The following ZKSCAN2 variants were observed in gnomAD, a reference collection of about 807,000 sequenced individuals.
ZKSCAN2 encodes zinc finger with KRAB and SCAN domains 2.
Under a neutral mutation model 90.5 loss-of-function variants are expected in ZKSCAN2, and 38 were observed. That is an observed-to-expected ratio of 0.42 (90% confidence interval 0.32 to 0.55). ZKSCAN2 has a LOEUF of 0.55. Among genes scored for constraint, ZKSCAN2 ranks in the 20% least tolerant of loss-of-function variants. The pLI is 0.11. For missense variants in ZKSCAN2, 1,167 were observed against 1,202.6 expected, an observed-to-expected ratio of 0.97 and a Z score of 0.44; for synonymous variants, 429 against 421.6, an observed-to-expected ratio of 1.02 and a Z score of -0.22.
chr16:25,244,120 T>C lies in ZKSCAN2; in HGVS notation c.1646A>G (p.Gln549Arg). The C allele has an allele frequency of 2.5e-6, 4 of 1,614,216 alleles. No individual in the cohort carries two copies. Among genetic ancestry groups the C allele is most frequent in the Non-Finnish European group, 3.4e-6 (4 of 1,180,042 alleles). The change falls in exon 6 of 7, where the codon CAG (glutamine) becomes CGG (arginine). Residue 549 changes from glutamine (Q) to arginine (R), a missense_variant. Gln to Arg is a conservative substitution (Grantham distance 43). Transcript: ENST00000328086. ...AAGGCTTTTGAACTTGGTTCGGCAC[T>C]GTTCTGGTGTCCGGAGGAAGCCGCA... is the stretch of plus-strand genomic sequence containing the variant. ...RECGFLRTPE[Q>R]CRTKFKSLQK...
intron 2 of ZKSCAN2, 92 bp downstream of exon 2, chr16:25,255,114 G>T: frequency 7.6e-7 from 1 of 1,318,352 alleles, no homozygotes. Flanking sequence ...TATGTATCAA[G>T]GAGGCCCTCC....
chr16:25,252,828 T>A, intron 3 of ZKSCAN2, 118 bp downstream of exon 3: 1 of 783,300 alleles, frequency 1.3e-6, no homozygotes, highest in Non-Finnish European at 2.2e-6. Context: ...GGCAGGAGAA[T>A]CGCTTGAACC....
chr16:25,257,610 G>A lies in ZKSCAN2; in HGVS notation c.-483C>T, dbSNP rs1963131564. ...GGCTCGGGTCACCGCAGCACGTCCA[G>A]GCCGCCGCGGGTGCCGCTGGGGCCG... On this transcript the variant is annotated 5_prime_UTR_variant, in exon 1 of 7. Coordinates refer to ENST00000328086, the MANE Select transcript of ZKSCAN2 (RefSeq NM_001012981.5). The A allele has an allele frequency of 7.3e-6, 5 of 684,846 alleles. No homozygotes were observed. Among genetic ancestry groups the A allele is most frequent in the South Asian group, 6.5e-5 (1 of 15,300 alleles). 42.4% of individuals were successfully genotyped at this position (684,846 alleles called of 1,614,324 possible).
In ZKSCAN2 at chr16:25,257,593, T is replaced by G. The variant is rs1963131014; in HGVS notation, c.-466A>C. 1.2e-6 allele frequency: 1 copy of G among 840,938 alleles called. No individual in the cohort carries two copies. The allele number at this position is 840,938 out of a possible 1,614,324, so 52.1% of individuals were successfully genotyped here. A position where few individuals can be genotyped will look rare whatever the true frequency, so the allele number is the denominator to read the frequency against. On this transcript the variant is annotated 5_prime_UTR_variant, in exon 1 of 7. Coordinates refer to ENST00000328086, the MANE Select transcript of ZKSCAN2 (RefSeq NM_001012981.5). ...CCCGGCGCCAGGTTCCGGGCTCGGG[T>G]CACCGCAGCACGTCCAGGCCGCCGC... is the stretch of plus-strand genomic sequence containing the variant.
In ZKSCAN2 at chr16:25,256,941, A is replaced by G; in HGVS notation, c.187T>C (p.Phe63Leu). ...YEDVTGPHEAFSKLWELCCRW... is the reference protein window; with the variant it reads ...YEDVTGPHEALSKLWELCCRW... ...CAGCAAAGTTCCCAGAGTTTACTGA[A>G]AGCTTCATGGGGTCCAGTCACATCC... Residue 63 changes from phenylalanine (F) to leucine (L), a missense_variant, in exon 1 of 7, where the codon TTC becomes CTC. Coordinates refer to ENST00000328086, the MANE Select transcript of ZKSCAN2 (RefSeq NM_001012981.5). 6.2e-7 allele frequency: 1 copy of G among 1,614,196 alleles called. No individual in the cohort carries two copies. The highest frequency in any genetic ancestry group is 8.5e-7 in the Non-Finnish European group (1 of 1,180,034).
chr16:25,249,949 C>G (rs8062383), intron 4 of ZKSCAN2, among the ~76,000 whole-genome samples: 62,254 of 151,964 alleles, frequency 0.41, 13,337 homozygotes, highest in African/African-American at 0.52. Context: ...CCAAGTACCT[C>G]CTGATGAATG....
Position 25,251,923 on chromosome 16 carries a change from T to A in ZKSCAN2, c.791A>T (p.Asn264Ile). 1 of 1,614,146 alleles carries A rather than the reference T, an allele frequency of 6.2e-7. No homozygotes were observed. Among genetic ancestry groups the A allele is most frequent in the Non-Finnish European group, 8.5e-7 (1 of 1,179,994 alleles). Residue 264 changes from asparagine (N) to isoleucine (I), a missense_variant, in exon 4 of 7, where the codon AAC (asparagine) becomes ATC (isoleucine). Coordinates refer to ENST00000328086, the MANE Select transcript of ZKSCAN2 (RefSeq NM_001012981.5). ...GGAATCCTTACCCAGGGAGACCACG[T>A]TCCCAACATTCTCCTTCCTGAAATC... The part of the protein sequence containing the change: ...YRDFRKENVG[N>I]VVSLGSAVST...
intron 3 of ZKSCAN2, 103 bp from the exon 4 acceptor site, chr16:25,252,138 CA>C: frequency 7.4e-7 from 1 of 1,343,832 alleles, no homozygotes; most frequent in East Asian, 2.4e-5. Flanking sequence ...GAACTGAAAT[CA>C]AGGAACAAGT....
At position 25,238,179 on chromosome 16, in the gene ZKSCAN2, G is replaced by C. The variant is rs1251104759; in HGVS notation, c.*1637C>G. The C allele has an allele frequency of 6.6e-6, 1 of 152,154 alleles. No individual in the cohort carries two copies. Among genetic ancestry groups the C allele is most frequent in the East Asian group, 1.9e-4 (1 of 5,198 alleles). 9.4% of individuals were successfully genotyped at this position (152,154 alleles called of 1,614,324 possible). ...TTCAAAAGATTGAAACATACCAAAAGGAAAAATATCATTTCCAGATGGCTT... is the reference window on the plus strand; with the variant it reads ...TTCAAAAGATTGAAACATACCAAAACGAAAAATATCATTTCCAGATGGCTT... On this transcript the variant is annotated 3_prime_UTR_variant, in exon 7 of 7. Transcript: ENST00000328086.
At chr16:25,242,469 G>A (rs998523607) in intron 6 of ZKSCAN2, among the ~76,000 whole-genome samples, 2 of 152,158 alleles carry the variant, frequency 1.3e-5, no homozygotes, top group African/African-American at 4.8e-5. Context: ...TTAATCTAGT[G>A]TTATGGGAAG....
chr16:25,245,739 C>T (rs926414791), intron 5 of ZKSCAN2, among the ~76,000 whole-genome samples: 8 of 149,644 alleles, frequency 5.3e-5, no homozygotes, highest in African/African-American at 1.7e-4. Flanking sequence ...CACTGCACTC[C>T]AGCCTGGGTG....
At chr16:25,256,672 C>G in intron 1 of ZKSCAN2, 57 bp downstream of exon 1, 7 of 1,547,118 alleles carry the variant, frequency 4.5e-6, no homozygotes, top group Non-Finnish European at 6.1e-6. Flanking sequence ...TCCCTGCCCA[C>G]ATGCCTTTCC....
rs185387521 is a variant in ZKSCAN2, at chr16:25,238,120, G to A, written c.*1696C>T. On this transcript the variant is annotated 3_prime_UTR_variant, in exon 7 of 7. Transcript: ENST00000328086. ...ACCATAAATTAGATTTCTTTCTACA[G>A]TGCCTACCCTCCTAGGTACTTTGCT... The A allele has an allele frequency of 1.7e-3, 260 of 152,330 alleles. 3 individuals are homozygous for A. Among genetic ancestry groups the A allele is most frequent in the African/African-American group, 6.1e-3 (252 of 41,572 alleles). 9.4% of individuals were successfully genotyped at this position (152,330 alleles called of 1,614,324 possible).
intron 5 of ZKSCAN2, among the ~76,000 whole-genome samples, chr16:25,244,779 A>C (rs539927455): frequency 6.6e-6 from 1 of 152,244 alleles, no homozygotes; most frequent in Non-Finnish European, 1.5e-5. Context: ...TGAGGAGCAG[A>C]ACTATGTTCA....
chr16:25,249,575 C>G (rs1962988014), intron 4 of ZKSCAN2, among the ~76,000 whole-genome samples: 1 of 152,294 alleles, frequency 6.6e-6, no homozygotes, highest in South Asian at 2.1e-4. Context: ...AGCCACCATG[C>G]CCTGCCTAGG....
rs1567350156 is a variant in ZKSCAN2 at position 25,240,576 on chromosome 16, TC to T, written c.2143del (p.Glu715LysfsTer18). 6.2e-7 allele frequency: 1 copy of T among 1,614,198 alleles called. No individual in the cohort carries two copies. Among genetic ancestry groups the T allele is most frequent in the Non-Finnish European group, 8.5e-7 (1 of 1,180,026 alleles). On this transcript the variant is annotated frameshift_variant, in exon 7 of 7. Coordinates refer to ENST00000328086, the MANE Select transcript of ZKSCAN2 (RefSeq NM_001012981.5). LOFTEE classifies it high-confidence loss of function. ...TCCCTGTCTAATTCCTTGAAGATTT[TC>T]CCATTGTCTTCCTGAGATGCATTCC... ...KRECISGRQW[E>X]NLQGIRQGKP...
rs1962895752 is a variant in ZKSCAN2, at chr16:25,244,147, T to C, written c.1619A>G (p.Glu540Gly). ...TTCTGGTGTCCGGAGGAAGCCGCAC[T>C]CTCGAAGCTGTTCAGCTACAGCCCC... ...LYGAVAEQLR[E>G]CGFLRTPEQC... is the part of the protein sequence containing the mutation. The change falls in exon 6 of 7, where the codon GAG becomes GGG. Residue 540 changes from glutamate (E) to glycine (G), a missense_variant. Transcript: ENST00000328086. 6.2e-6 allele frequency: 10 copies of C among 1,614,180 alleles called. No homozygotes were observed. The highest frequency in any genetic ancestry group is 8.5e-6 in the Non-Finnish European group (10 of 1,180,032).
intron 5 of ZKSCAN2, 55 bp from the exon 6 acceptor site, chr16:25,244,331 C>T: frequency 5.2e-6 from 8 of 1,552,850 alleles, no homozygotes; most frequent in Non-Finnish European, 6.9e-6. Flanking sequence ...TCTCTAGCCT[C>T]TATACTATAT....
In ZKSCAN2 at chr16:25,256,813, T is replaced by G; in HGVS notation, c.315A>C (p.Ala105=). ...CTCCACTTTGCGGACACTGCTTCTG[T>G]GCCCAAGCCTGAATCTTCTCGGGTA... ...TILPEKIQAW[A]QKQCPQSGEE... The change falls in exon 1 of 7, where the codon GCA becomes GCC. Residue 105 remains alanine (A), a synonymous_variant. Coordinates refer to ENST00000328086, the MANE Select transcript of ZKSCAN2 (RefSeq NM_001012981.5). The G allele has an allele frequency of 6.2e-7, 1 of 1,614,208 alleles. No homozygotes were observed. Among genetic ancestry groups the G allele is most frequent in the Non-Finnish European group, 8.5e-7 (1 of 1,180,042 alleles).
Sources: gnomAD v4.1 joint callset for allele counts (sites outside exome capture counted in the v4.1 genomes callset) on GRCh38, gnomAD v4.1.1 for gene constraint, MANE v1.5 for transcripts, NCBI Gene and HGNC (gene_info 2026-07-23, HGNC 2026-07-21) for gene names.